SPPL3: variants seen among roughly 807,000 people sequenced by gnomAD.
SPPL3 encodes the protein signal peptide peptidase like 3, also known as signal peptide peptidase-like 3.
Under a neutral mutation model 42.4 loss-of-function variants are expected in SPPL3, and 5 were observed. That is an observed-to-expected ratio of 0.12 (90% CI 0.06 to 0.25). The LOEUF (loss-of-function observed/expected upper bound fraction) is 0.25. Among genes scored for constraint, SPPL3 ranks in the 10% least tolerant of loss-of-function variants. The probability of loss-of-function intolerance (pLI) is 1.00; values close to 1 mark genes in which losing one functional copy is unlikely to be tolerated. For missense variants in SPPL3, 235 were observed against 489.0 expected (o/e 0.48, Z 4.90); for synonymous variants, 195 against 181.8 (o/e 1.07, Z -0.58).
intron 1 of SPPL3, among the ~76,000 whole-genome samples, chr12:120,902,879 T>A (rs1874026867): frequency 6.6e-6 from 1 of 152,152 alleles, no homozygotes; most frequent in Admixed American, 6.5e-5. Flanking sequence ...GATACTGCCA[T>A]CATTCCTTCA....
chr12:120,773,693 T>C (rs1025591313), intron 6 of SPPL3, among the ~76,000 whole-genome samples: 9 of 152,196 alleles, frequency 5.9e-5, no homozygotes, highest in African/African-American at 2.2e-4. Context: ...GGCACAAGCT[T>C]GGCTCACGGC....
At chr12:120,893,571 C>A (rs1421212356) in intron 1 of SPPL3, among the ~76,000 whole-genome samples, 1 of 152,084 alleles carries the variant, frequency 6.6e-6, no homozygotes, top group African/African-American at 2.4e-5. Context: ...TGACCTACCC[C>A]TGATTGGGCT....
At position 120,768,970 on chromosome 12, in the gene SPPL3, TGAGAAGCCCTGA is replaced by T; in HGVS notation, c.580_591del (p.Ser194_Leu197del). On this transcript the variant is annotated inframe_deletion, in exon 7 of 11. Coordinates refer to ENST00000353487, the MANE Select transcript of SPPL3 (RefSeq NM_139015.5). Reference sequence around the variant, plus strand: ...ACGCTTACCCAAAAGACATCATAGATGAGAAGCCCTGAGAGAAGCAGGCAGGAGACCTTGAGG... The same window carrying T: ...ACGCTTACCCAAAAGACATCATAGATGAGAAGCAGGCAGGAGACCTTGAGG... 6.2e-7 allele frequency: 1 copy of T among 1,610,674 alleles called. No individual in the cohort carries two copies. The highest frequency in any genetic ancestry group is 8.5e-7 in the Non-Finnish European group (1 of 1,178,904).
At chr12:120,786,765 C>G (rs1869735647) in intron 3 of SPPL3, among the ~76,000 whole-genome samples, 1 of 151,994 alleles carries the variant, frequency 6.6e-6, no homozygotes, top group Non-Finnish European at 1.5e-5. Context: ...GACTTCAGTA[C>G]TCCATTTCCT....
intron 2 of SPPL3, among the ~76,000 whole-genome samples, chr12:120,808,821 C>T (rs1870587267): frequency 2.0e-5 from 3 of 152,182 alleles, no homozygotes; most frequent in South Asian, 4.1e-4. Context: ...GTCTGCACTA[C>T]TGAAAGTAGT....
At chr12:120,888,201 G>T (rs947386557) in intron 1 of SPPL3, among the ~76,000 whole-genome samples, 3 of 152,090 alleles carry the variant, frequency 2.0e-5, no homozygotes, top group African/African-American at 7.2e-5. Flanking sequence ...TCAGCCTCCT[G>T]AGTAGCTGGG....
chr12:120,889,473 C>A (rs892721238), intron 1 of SPPL3, among the ~76,000 whole-genome samples: 1 of 152,200 alleles, frequency 6.6e-6, no homozygotes. Context: ...CAGTTCTAAG[C>A]CTAAACCTTA....
intron 1 of SPPL3, among the ~76,000 whole-genome samples, chr12:120,833,876 G>A (rs1871522044): frequency 6.6e-6 from 1 of 151,616 alleles, no homozygotes; most frequent in African/African-American, 2.4e-5. Flanking sequence ...ACTGAAGTGG[G>A]CTCTAAATGC....
chr12:120,805,999 G>A (rs914847936), intron 2 of SPPL3, among the ~76,000 whole-genome samples: 1 of 126,318 alleles, frequency 7.9e-6, no homozygotes, highest in Admixed American at 9.7e-5. Context: ...AATCCCTGCA[G>A]GCTTTTTTTT....
intron 1 of SPPL3, among the ~76,000 whole-genome samples, chr12:120,857,931 A>G (rs1379060101): frequency 6.6e-6 from 1 of 152,216 alleles, no homozygotes; most frequent in African/African-American, 2.4e-5. Context: ...TTGCCTATGT[A>G]GCAAACCTGC....
intron 1 of SPPL3, chr12:120,845,215 G>T: frequency 2.3e-6 from 1 of 444,068 alleles, no homozygotes; most frequent in East Asian, 7.3e-5. Flanking sequence ...GTGGCAAAGG[G>T]AGTGCAGTCC....
At chr12:120,897,180 T>C (rs897923480) in intron 1 of SPPL3, among the ~76,000 whole-genome samples, 1 of 152,174 alleles carries the variant, frequency 6.6e-6, no homozygotes, top group African/African-American at 2.4e-5. Context: ...AAATAAATGA[T>C]CACGTAGAAA....
chr12:120,861,889 T>C (rs1044579808), intron 1 of SPPL3, among the ~76,000 whole-genome samples: 9 of 152,132 alleles, frequency 5.9e-5, no homozygotes, highest in Non-Finnish European at 8.8e-5. Context: ...ACTCAAAGGA[T>C]TGGGAATATC....
intron 1 of SPPL3, among the ~76,000 whole-genome samples, chr12:120,886,832 C>T (rs754568646): frequency 1.1e-4 from 17 of 152,118 alleles, no homozygotes; most frequent in African/African-American, 3.1e-4. Context: ...CCTCTGGAAC[C>T]GCACTGTTCA....
rs1206019429 is a variant in SPPL3 at position 120,763,255 on chromosome 12, A to G, written c.*1744T>C. On this transcript the variant is annotated 3_prime_UTR_variant, in exon 11 of 11. Transcript: ENST00000353487. ...GCTACAAAGGAGTCATTTATTAAAA[A>G]CAAAACCCCAGAAACCCCTCAGCAG... The G allele has an allele frequency of 7.1e-6, 1 of 139,938 alleles. No homozygotes were observed. The highest frequency in any genetic ancestry group is 1.6e-5 in the Non-Finnish European group (1 of 60,836). 8.7% of individuals were successfully genotyped at this position (139,938 alleles called of 1,614,324 possible). A position where few individuals can be genotyped will look rare whatever the true frequency, so the allele number is the denominator to read the frequency against.
chr12:120,784,681 C>T, intron 3 of SPPL3, 88 bp from the exon 4 acceptor site: 2 of 1,044,238 alleles, frequency 1.9e-6, no homozygotes, highest in Non-Finnish European at 2.8e-6. Context: ...TGCAAAAATG[C>T]AGACAGTTCT....
intron 1 of SPPL3, among the ~76,000 whole-genome samples, chr12:120,856,466 C>T (rs1462552127): frequency 6.6e-6 from 1 of 150,982 alleles, no homozygotes; most frequent in African/African-American, 2.4e-5. Context: ...ACTCACTGAG[C>T]CCCCTGGCCA....
intron 1 of SPPL3, among the ~76,000 whole-genome samples, chr12:120,876,796 T>C (rs1351988558): frequency 8.3e-6 from 1 of 120,642 alleles, no homozygotes; most frequent in African/African-American, 2.8e-5. Flanking sequence ...AGCTTCTACC[T>C]TGAGAAACAC....
chr12:120,804,811 CATT>C (rs1870435624), intron 2 of SPPL3, among the ~76,000 whole-genome samples: 1 of 152,150 alleles, frequency 6.6e-6, no homozygotes, highest in Non-Finnish European at 1.5e-5. Context: ...TTCACAGTAA[CATT>C]ATTCATAAAA....
Sources: allele counts gnomAD v4.1 joint callset (sites outside exome capture counted in the v4.1 genomes callset), GRCh38; gene constraint gnomAD v4.1.1; transcripts MANE v1.5; gene names NCBI Gene and HGNC (gene_info 2026-07-23, HGNC 2026-07-21).